STX18: variants seen among roughly 807,000 people sequenced by gnomAD.
STX18 encodes the protein syntaxin-18.
A neutral mutation model predicts 50.1 loss-of-function variants in STX18; 40 were observed. That is an observed-to-expected ratio of 0.80 (90% CI 0.62 to 1.04). The LOEUF (loss-of-function observed/expected upper bound fraction) is 1.04, where lower values mean the gene tolerates loss of function less well. STX18 is among the 50% of genes least tolerant of loss of function. The pLI is 0.00. For missense variants in STX18, 410 were observed against 415.8 expected, an observed-to-expected ratio of 0.99 and a Z score of 0.12; for synonymous variants, 158 against 151.8, an observed-to-expected ratio of 1.04 and a Z score of -0.30.
intron 1 of STX18, among the ~76,000 whole-genome samples, chr4:4,528,047 C>G (rs1275221753): frequency 6.6e-6 from 1 of 151,942 alleles, no homozygotes; most frequent in Non-Finnish European, 1.5e-5. Flanking sequence ...ATCCTAACCC[C>G]CAGGATGCTA....
intron 1 of STX18, among the ~76,000 whole-genome samples, chr4:4,515,671 T>A (rs1277596621): frequency 1.3e-5 from 2 of 152,206 alleles, no homozygotes; most frequent in Non-Finnish European, 2.9e-5. Context: ...TCTACATGTA[T>A]TTTTGGAGAC....
chr4:4,441,483 TG>T (rs1296613671), intron 5 of STX18, among the ~76,000 whole-genome samples: 1 of 152,086 alleles, frequency 6.6e-6, no homozygotes, highest in Non-Finnish European at 1.5e-5. Flanking sequence ...GAAGATATAA[TG>T]AAAGAGAAGA....
At chr4:4,479,108 T>G (rs897157414) in intron 1 of STX18, 1 of 152,174 alleles carries the variant, frequency 6.6e-6, no homozygotes, top group African/African-American at 2.4e-5. Flanking sequence ...TTTTAAAAAA[T>G]AGTAGTGGCA....
At chr4:4,519,930 CA>C in intron 1 of STX18, among the ~76,000 whole-genome samples, 1 of 152,174 alleles carries the variant, frequency 6.6e-6, no homozygotes, top group Middle Eastern at 3.4e-3. Flanking sequence ...TGAGCCAAGC[CA>C]AAATATCTAT....
chr4:4,453,634 G>A (rs759853182), intron 5 of STX18: 14 of 969,506 alleles, frequency 1.4e-5, no homozygotes, highest in South Asian at 4.8e-5. Flanking sequence ...TGATATCTCC[G>A]AGGTACGCCT....
chr4:4,476,698 C>G (rs7665325), intron 1 of STX18, among the ~76,000 whole-genome samples: 50,839 of 151,898 alleles, frequency 0.33, 12,140 homozygotes, highest in African/African-American at 0.68. Context: ...TTTTTAGAAT[C>G]CTTATATTTT....
At chr4:4,445,358 A>G (rs1022133921) in intron 5 of STX18, among the ~76,000 whole-genome samples, 3 of 152,154 alleles carry the variant, frequency 2.0e-5, no homozygotes, top group Admixed American at 1.3e-4. Flanking sequence ...GTGAGCCAAG[A>G]TCGAGCGACT....
chr4:4,419,969 T>C lies in STX18; in HGVS notation c.*65A>G. On this transcript the variant is annotated 3_prime_UTR_variant, in exon 11 of 11. Coordinates refer to ENST00000306200, the MANE Select transcript of STX18 (RefSeq NM_016930.4). ...TCATACCATGCTCCAGCACTGGAAGTACATGAAAGCACGCAGTCTGTGAGT... is the reference window on the plus strand; with the variant it reads ...TCATACCATGCTCCAGCACTGGAAGCACATGAAAGCACGCAGTCTGTGAGT... 1 of 1,348,298 alleles carries C rather than the reference T, an allele frequency of 7.4e-7. No homozygotes were observed. The highest frequency in any genetic ancestry group is 1.0e-6 in the Non-Finnish European group (1 of 961,736). 83.5% of individuals were successfully genotyped at this position (1,348,298 alleles called of 1,614,324 possible).
chr4:4,421,595 C>A (rs752024486), intron 9 of STX18, among the ~76,000 whole-genome samples: 16 of 152,142 alleles, frequency 1.1e-4, no homozygotes, highest in Non-Finnish European at 7.4e-5. Context: ...GCCACACTTA[C>A]CATCCCTCCT....
intron 1 of STX18, among the ~76,000 whole-genome samples, chr4:4,484,077 T>C (rs915064213): frequency 1.1e-4 from 17 of 152,146 alleles, no homozygotes; most frequent in Non-Finnish European, 2.2e-4. Flanking sequence ...TTAGCCAGGA[T>C]GGTCTTGATC....
rs569758599 is a variant in STX18 at position 4,507,361 on chromosome 4, G to A, written c.168+34436C>T. The A allele has an allele frequency of 1.6e-5, 12 of 752,698 alleles. No homozygotes were observed. The East Asian group carries it at 3.0e-4, about 19-fold the overall frequency. The allele number at this position is 752,698 out of a possible 1,614,324, so 46.6% of individuals were successfully genotyped here. A position where few individuals can be genotyped will look rare whatever the true frequency, so the allele number is the denominator to read the frequency against. On this transcript the variant is annotated intron_variant, in intron 1 of 10. Transcript: ENST00000306200. ...TATGGCAGCCAAGGAAATTGAAGTT[G>A]GTGGTGGTCAGAAAGCTATCACAAT...
At chr4:4,466,181 G>A (rs1295666479) in intron 2 of STX18, among the ~76,000 whole-genome samples, 1 of 152,056 alleles carries the variant, frequency 6.6e-6, no homozygotes, top group African/African-American at 2.4e-5. Flanking sequence ...AGGAAGGCAG[G>A]GCCAGGGCAG....
chr4:4,433,445 T>C (rs1304673273), intron 7 of STX18, among the ~76,000 whole-genome samples: 2 of 151,574 alleles, frequency 1.3e-5, no homozygotes, highest in Non-Finnish European at 2.9e-5. Flanking sequence ...CTTGTTTATC[T>C]GCTGACCTTC....
At chr4:4,533,872 G>T (rs1432863674) in intron 1 of STX18, among the ~76,000 whole-genome samples, 1 of 152,196 alleles carries the variant, frequency 6.6e-6, no homozygotes, top group Admixed American at 6.5e-5. Context: ...AGGAGAAAAT[G>T]AATCAACTAT....
In STX18 at chr4:4,542,032, C is replaced by G; in HGVS notation, c.-68G>C. ...AGCAGCCGGCGACCGCGGCGCGAACCCGGCCGCTGAAGGACTGGTCCTGCC... is the reference window on the plus strand; with the variant it reads ...AGCAGCCGGCGACCGCGGCGCGAACGCGGCCGCTGAAGGACTGGTCCTGCC... On this transcript the variant is annotated 5_prime_UTR_variant, in exon 1 of 11. Transcript: ENST00000306200. 2.0e-6 allele frequency: 3 copies of G among 1,469,918 alleles called. No homozygotes were observed. Among genetic ancestry groups the G allele is most frequent in the South Asian group, 2.8e-5 (2 of 72,386 alleles). 91.1% of individuals were successfully genotyped at this position (1,469,918 alleles called of 1,614,324 possible). A position where few individuals can be genotyped will look rare whatever the true frequency, so the allele number is the denominator to read the frequency against.
Position 4,420,196 on chromosome 4 carries a change from C to T in STX18, c.913-67G>A, listed in dbSNP as rs917559896. 5.6e-6 allele frequency: 7 copies of T among 1,243,588 alleles called. No individual in the cohort carries two copies. Among genetic ancestry groups the T allele is most frequent in the South Asian group, 5.2e-5 (4 of 77,076 alleles). 77.0% of individuals were successfully genotyped at this position (1,243,588 alleles called of 1,614,324 possible). On this transcript the variant is annotated intron_variant, in intron 10 of 10. Coordinates refer to ENST00000306200, the MANE Select transcript of STX18 (RefSeq NM_016930.4). This position sits in a 1 kb window ranked among gnomAD's most constrained non-coding sequence, Gnocchi z 4.3. ...TTTTGGTTTGAGCAGCCCTGAAATG[C>T]CCCCCTCTTCCCACGTGCTCTCCTG...
At chr4:4,423,257 C>T (rs1283837768) in intron 9 of STX18, among the ~76,000 whole-genome samples, 1 of 152,236 alleles carries the variant, frequency 6.6e-6, no homozygotes, top group Non-Finnish European at 1.5e-5. Flanking sequence ...ACTCTCCTCC[C>T]ACGTGCCACC....
chr4:4,439,443 C>T (rs1725984354), intron 5 of STX18, among the ~76,000 whole-genome samples: 1 of 118,422 alleles, frequency 8.4e-6, no homozygotes, highest in Admixed American at 1.0e-4. Flanking sequence ...CACATATACC[C>T]TCCCCCACAC....
At chr4:4,519,577 C>G (rs767600349) in intron 1 of STX18, among the ~76,000 whole-genome samples, 9 of 152,120 alleles carry the variant, frequency 5.9e-5, no homozygotes, top group Non-Finnish European at 1.0e-4. Context: ...TACCTTCTCC[C>G]TAATAGAACC....
Sources: gnomAD v4.1 joint callset for allele counts (sites outside exome capture counted in the v4.1 genomes callset) on GRCh38, gnomAD v4.1.1 for gene constraint, Gnocchi (gnomAD v3.1) non-coding constraint, MANE v1.5 for transcripts, NCBI Gene and HGNC (gene_info 2026-07-23, HGNC 2026-07-21) for gene names.